SRSF11: variants seen among roughly 807,000 people sequenced by gnomAD.
SRSF11 encodes the protein serine and arginine rich splicing factor 11, also known as serine/arginine-rich splicing factor 11.
A neutral mutation model predicts 56.0 loss-of-function variants in SRSF11; 9 were observed. That is an observed-to-expected ratio of 0.16 (90% CI 0.10 to 0.28). SRSF11 has a LOEUF of 0.28. SRSF11 is among the 10% of genes least tolerant of loss of function. SRSF11 has a pLI of 1.00. For missense variants in SRSF11, 421 were observed against 600.7 expected (o/e 0.70, Z 3.13); for synonymous variants, 222 against 215.3 (o/e 1.03, Z -0.27).
chr1:70,222,613 G>T (rs562547946), intron 1 of SRSF11, among the ~76,000 whole-genome samples: 1 of 152,296 alleles, frequency 6.6e-6, no homozygotes, highest in African/African-American at 2.4e-5. Flanking sequence ...TAAGAAGTAA[G>T]ATAAAGTGTA....
intron 4 of SRSF11, 95 bp from the exon 5 acceptor site, chr1:70,235,406 C>T (rs1673749485): frequency 9.9e-7 from 1 of 1,008,002 alleles, no homozygotes; most frequent in Non-Finnish European, 1.5e-6. Flanking sequence ...GGCATGTAGT[C>T]TGCATGGATT....
intron 6 of SRSF11, among the ~76,000 whole-genome samples, chr1:70,239,127 T>C (rs1372466754): frequency 6.6e-6 from 1 of 152,200 alleles, no homozygotes; most frequent in Non-Finnish European, 1.5e-5. Context: ...GGTCTCACTC[T>C]GTTGCCGAGG....
At chr1:70,213,239 A>C (rs1455471362) in intron 1 of SRSF11, among the ~76,000 whole-genome samples, 1 of 152,224 alleles carries the variant, frequency 6.6e-6, no homozygotes, top group Non-Finnish European at 1.5e-5. Flanking sequence ...GGGACACATT[A>C]GCTCATGTGG....
upstream of SRSF11, chr1:70,205,721 G>A (rs1668942684): frequency 3.7e-6 from 2 of 540,226 alleles, no homozygotes; most frequent in South Asian, 3.8e-5. Flanking sequence ...TGGGCTGGAG[G>A]ACAGAGAAGC....
rs536014556 is a variant in SRSF11 at position 70,243,915 on chromosome 1, G to A, written c.801-769G>A. On this transcript the variant is annotated intron_variant, in intron 7 of 11. Coordinates refer to ENST00000370949, the MANE Select transcript of SRSF11 (RefSeq NM_001350605.2). ...ATAGAGGAGAATGAGTTTTAATGCA[G>A]TAGGGAGGATGACAACATCTAAAGG... 5.3e-5 allele frequency among the ~76,000 whole-genome samples: 8 copies of A among 152,222 alleles called. No homozygotes were observed. The South Asian group carries it at 1.5e-3, about 28-fold the overall frequency.
At position 70,239,481 on chromosome 1, in the gene SRSF11, G is replaced by A. The variant is rs781598601; in HGVS notation, c.761G>A (p.Arg254His). 121 of 1,608,940 alleles carry A rather than the reference G, an allele frequency of 7.5e-5. 1 individual carries two copies. The South Asian group carries it at 9.7e-4, about 13-fold the overall frequency. The change falls in exon 7 of 12, where the codon CGT becomes CAT. Residue 254 changes from arginine (R) to histidine (H), a missense_variant. Physicochemically the swap from Arg to His is conservative, Grantham distance 29 (BLOSUM62 0). Transcript: ENST00000370949. ...EKRRHSRSRSRSRRRRTPSSS... is the reference protein window; with the variant it reads ...EKRRHSRSRSHSRRRRTPSSS... Reference sequence around the variant, plus strand: ...AGAAGGCATTCAAGATCAAGATCACGTTCTAGGAGGAGGAGGACTCCCTCA... The same window carrying A: ...AGAAGGCATTCAAGATCAAGATCACATTCTAGGAGGAGGAGGACTCCCTCA...
At chr1:70,234,892 G>T in intron 4 of SRSF11, 104 bp downstream of exon 4, 1 of 918,512 alleles carries the variant, frequency 1.1e-6, no homozygotes, top group Non-Finnish European at 1.6e-6. Context: ...CTATGTTGTA[G>T]TAATTTTTTT....
intron 2 of SRSF11, chr1:70,231,620 G>T (rs543689836): frequency 2.6e-6 from 3 of 1,165,992 alleles, no homozygotes; most frequent in East Asian, 1.2e-4. Flanking sequence ...TCACTCCCAT[G>T]CACACATCCT....
intron 1 of SRSF11, among the ~76,000 whole-genome samples, chr1:70,226,052 G>A (rs923105426): frequency 2.6e-5 from 4 of 152,180 alleles, no homozygotes; most frequent in Middle Eastern, 3.4e-3. Context: ...TTAGCCGGAC[G>A]TGGTGGCGTG....
intron 7 of SRSF11, among the ~76,000 whole-genome samples, chr1:70,241,062 A>G (rs757356177): frequency 6.6e-6 from 1 of 152,034 alleles, no homozygotes; most frequent in Non-Finnish European, 1.5e-5. Flanking sequence ...GTGAGCCACC[A>G]TGCCCGGCCA....
chr1:70,252,507 T>TA lies in SRSF11; in HGVS notation c.*1707dup, dbSNP rs1432483642. On this transcript the variant is annotated 3_prime_UTR_variant, in exon 12 of 12. Coordinates refer to ENST00000370949, the MANE Select transcript of SRSF11 (RefSeq NM_001350605.2). ...GGGTTTTGTTTTGTTTTTTTTAACC[T>TA]AAAAACTGAAATGCCATATAGAAAA... is the stretch of plus-strand genomic sequence containing the variant. 3.9e-5 allele frequency: 6 copies of TA among 152,258 alleles called. No individual in the cohort carries two copies. The highest frequency in any genetic ancestry group is 1.2e-4 in the African/African-American group (5 of 41,554). 9.4% of individuals were successfully genotyped at this position (152,258 alleles called of 1,614,324 possible). A position where few individuals can be genotyped will look rare whatever the true frequency, so the allele number is the denominator to read the frequency against.
At chr1:70,219,180 A>G (rs1670285717), upstream of SRSF11, among the ~76,000 whole-genome samples, 1 of 152,156 alleles carries the variant, frequency 6.6e-6, no homozygotes, top group Non-Finnish European at 1.5e-5. Context: ...CCAAAATCCA[A>G]AACACTTATG....
Position 70,228,563 on chromosome 1 carries a change from CTTTG to C in SRSF11, c.337+12_337+15del, listed in dbSNP as rs774108795. On this transcript the variant is annotated intron_variant, in intron 2 of 11. Transcript: ENST00000370949. ...TCGTACCATATGCAGAAGGTTTGTGCTTTGTTTAACTACCTATGTGGGCATCCTA... is the reference window on the plus strand; with the variant it reads ...TCGTACCATATGCAGAAGGTTTGTGCTTTAACTACCTATGTGGGCATCCTA... The C allele has an allele frequency of 3.0e-5, 49 of 1,610,674 alleles. No homozygotes were observed. Among genetic ancestry groups the C allele is most frequent in the Non-Finnish European group, 3.9e-5 (46 of 1,178,376 alleles).
upstream of SRSF11, among the ~76,000 whole-genome samples, chr1:70,220,609 G>A (rs888404496): frequency 6.6e-6 from 1 of 152,150 alleles, no homozygotes; most frequent in African/African-American, 2.4e-5. Flanking sequence ...CAGAACTTTG[G>A]GAGGCCAAGG....
At chr1:70,244,169 CAATAAGT>C (rs1333136584) in intron 7 of SRSF11, among the ~76,000 whole-genome samples, 1 of 152,096 alleles carries the variant, frequency 6.6e-6, no homozygotes, top group African/African-American at 2.4e-5. Flanking sequence ...GATGGCAACA[CAATAAGT>C]AGTTTCTCTT....
upstream of SRSF11, chr1:70,221,285 C>A (rs889943759): frequency 2.4e-5 from 7 of 287,672 alleles, no homozygotes. Context: ...CCTCTCATTT[C>A]TCGGGCTGCA....
Position 70,250,915 on chromosome 1 carries a change from G to T in SRSF11, c.*110G>T. 3.5e-6 allele frequency: 3 copies of T among 861,318 alleles called. No individual in the cohort carries two copies. The highest frequency in any genetic ancestry group is 3.6e-6 in the Non-Finnish European group (2 of 554,768). 53.4% of individuals were successfully genotyped at this position (861,318 alleles called of 1,614,324 possible). On this transcript the variant is annotated 3_prime_UTR_variant, in exon 12 of 12. Transcript: ENST00000370949. ...CAAACCTAGATGTATACAGCTCTGAGTTATAAATGGTTATAAAGCTCCTGT... is the reference window on the plus strand; with the variant it reads ...CAAACCTAGATGTATACAGCTCTGATTTATAAATGGTTATAAAGCTCCTGT...
rs1571978544 is a variant in SRSF11, at chr1:70,250,697, C to T, written c.1347C>T (p.Ser449=). ...AGAAGAAACCAATAGAAACAGGTTC[C>T]CCTAAAACAAAGGAATGTTCTGTGG... ...KEEKKPIETG[S]PKTKECSVEK... The change falls in exon 12 of 12, where the codon TCC becomes TCT. Residue 449 remains serine (S), a synonymous_variant. Transcript: ENST00000370949. 6.2e-7 allele frequency: 1 copy of T among 1,613,822 alleles called. No individual in the cohort carries two copies. The highest frequency in any genetic ancestry group is 2.2e-5 in the East Asian group (1 of 44,838).
chr1:70,231,725 ACTTT>A (rs1672884966), intron 2 of SRSF11: 26 of 1,217,548 alleles, frequency 2.1e-5, no homozygotes, highest in Non-Finnish European at 2.4e-5. Flanking sequence ...TCCTTTACAT[ACTTT>A]CTTCTCTTAA....
Sources: gnomAD v4.1 joint callset for allele counts (sites outside exome capture counted in the v4.1 genomes callset) on GRCh38, gnomAD v4.1.1 for gene constraint, MANE v1.5 for transcripts, NCBI Gene and HGNC (gene_info 2026-07-23, HGNC 2026-07-21) for gene names.